Variants in PTDSS1 observed in about 807,000 individuals in gnomAD.
PTDSS1 encodes PSS-1.
Under a neutral mutation model 70.5 loss-of-function variants are expected in PTDSS1, and 45 were observed. That is an observed-to-expected ratio of 0.64 (90% CI 0.50 to 0.82). PTDSS1 has a LOEUF of 0.82. Ranked by LOEUF, PTDSS1 falls within the 40% of genes least tolerant of loss-of-function variation. The pLI is 0.00. For missense variants in PTDSS1, 417 were observed against 586.1 expected, an observed-to-expected ratio of 0.71 and a Z score of 2.98; for synonymous variants, 188 against 203.8, an observed-to-expected ratio of 0.92 and a Z score of 0.66.
chr8:96,330,938 C>A, intron 11 of PTDSS1, 88 bp from the exon 12 acceptor site: 1 of 1,097,770 alleles, frequency 9.1e-7, no homozygotes, highest in Non-Finnish European at 1.4e-6. Context: ...CTGGGAGAGG[C>A]AGGGATGCAG....
chr8:96,281,677 C>T (rs9969631), intron 2 of PTDSS1, among the ~76,000 whole-genome samples: 13,480 of 152,136 alleles, frequency 0.089, 1,918 homozygotes, highest in African/African-American at 0.3. Context: ...GAAACCAGTC[C>T]GCGCTCAACC....
At chr8:96,303,452 A>G (rs1811077969) in intron 6 of PTDSS1, among the ~76,000 whole-genome samples, 1 of 151,500 alleles carries the variant, frequency 6.6e-6, no homozygotes, top group South Asian at 2.1e-4. Context: ...GGAATTAAAG[A>G]CTCTTTACCA....
rs1490076894 is a variant in PTDSS1 at position 96,274,596 on chromosome 8, G to A, written c.271+1206G>A. Among the ~76,000 whole-genome samples the A allele has an allele frequency of 2.6e-5, 4 of 152,132 alleles. No homozygotes were observed. The East Asian group carries it at 5.8e-4, about 22-fold the overall frequency. Reference sequence around the variant, plus strand: ...CAAAATTAGCCAGGCGTGGTGGTGCGTGCCTGTAATCCCAGCTACTCGCGA... The same window carrying A: ...CAAAATTAGCCAGGCGTGGTGGTGCATGCCTGTAATCCCAGCTACTCGCGA... On this transcript the variant is annotated intron_variant, in intron 2 of 12. Coordinates refer to ENST00000517309, the MANE Select transcript of PTDSS1 (RefSeq NM_014754.3).
rs1455019490 is a variant in PTDSS1, at chr8:96,320,293, A to G, written c.1121A>G (p.Asp374Gly). ...EAIVCIKFGQDLFSKTQILYV... is the reference protein window; with the variant it reads ...EAIVCIKFGQGLFSKTQILYV... ...ATTGTTTGCATAAAATTTGGACAAG[A>G]TCTCTTCTCTAAGACCCAAATACTC... Residue 374 changes from aspartate to glycine, a missense_variant, in exon 10 of 13, where the codon GAT becomes GGT. Asp to Gly is a moderately conservative substitution (Grantham distance 94). Coordinates refer to ENST00000517309, the MANE Select transcript of PTDSS1 (RefSeq NM_014754.3). 6.2e-7 allele frequency: 1 copy of G among 1,613,542 alleles called. No homozygotes were observed. Among genetic ancestry groups the G allele is most frequent in the South Asian group, 1.1e-5 (1 of 91,068 alleles).
intron 6 of PTDSS1, among the ~76,000 whole-genome samples, chr8:96,301,710 T>C (rs1417330304): frequency 6.6e-6 from 1 of 151,640 alleles, no homozygotes; most frequent in Non-Finnish European, 1.5e-5. Flanking sequence ...GAAACGGGGT[T>C]TCTCTGTGTT....
chr8:96,319,727 G>A (rs1483826264), intron 9 of PTDSS1, among the ~76,000 whole-genome samples: 1 of 152,160 alleles, frequency 6.6e-6, no homozygotes, highest in Non-Finnish European at 1.5e-5. Context: ...CAGAACTACA[G>A]TGAAAAAGCC....
intron 6 of PTDSS1, among the ~76,000 whole-genome samples, chr8:96,302,883 C>G (rs1426405429): frequency 6.6e-6 from 1 of 152,150 alleles, no homozygotes; most frequent in Non-Finnish European, 1.5e-5. Flanking sequence ...TGCCTGGCCT[C>G]AGGATGTCTG....
At chr8:96,279,446 C>A (rs1294514380) in intron 2 of PTDSS1, among the ~76,000 whole-genome samples, 1 of 150,370 alleles carries the variant, frequency 6.7e-6, no homozygotes, top group Non-Finnish European at 1.5e-5. Flanking sequence ...AGGTCACCAT[C>A]TTCTAAATTT....
chr8:96,269,975 A>C (rs1810542247), intron 1 of PTDSS1, among the ~76,000 whole-genome samples: 1 of 152,150 alleles, frequency 6.6e-6, no homozygotes, highest in Non-Finnish European at 1.5e-5. Context: ...TACATGTTTT[A>C]AGTTATTTAA....
rs1165723304 is a variant in PTDSS1 at position 96,325,272 on chromosome 8, C to T, written c.1173+4927C>T. 2.6e-5 allele frequency among the ~76,000 whole-genome samples: 4 copies of T among 152,214 alleles called. No homozygotes were observed. The East Asian group carries it at 5.8e-4, about 22-fold the overall frequency. ...CAGACATTCTCTCTAGGGAACTGCT[C>T]TTCATCACTGCCCTCCAAGGATCTC... On this transcript the variant is annotated intron_variant, in intron 10 of 12. Transcript: ENST00000517309.
At chr8:96,297,374 C>T (rs571577043) in intron 5 of PTDSS1, among the ~76,000 whole-genome samples, 20 of 152,102 alleles carry the variant, frequency 1.3e-4, no homozygotes, top group Non-Finnish European at 2.5e-4. Flanking sequence ...GATGGGGTTT[C>T]GCCATGTTGG....
intron 1 of PTDSS1, among the ~76,000 whole-genome samples, chr8:96,269,663 G>A (rs1170882942): frequency 6.6e-6 from 1 of 152,052 alleles, no homozygotes; most frequent in African/African-American, 2.4e-5. Flanking sequence ...TCCCACCAAG[G>A]GGCCAATCAC....
intron 9 of PTDSS1, among the ~76,000 whole-genome samples, chr8:96,312,463 T>TC (rs1491515988): frequency 7.6e-4 from 79 of 104,132 alleles, no homozygotes; most frequent in African/African-American, 3.9e-3. Flanking sequence ...TGTCTCTCTC[T>TC]TTTTTTTTTT....
chr8:96,269,391 C>G (rs954691990), intron 1 of PTDSS1, among the ~76,000 whole-genome samples: 11 of 152,212 alleles, frequency 7.2e-5, no homozygotes, highest in African/African-American at 2.7e-4. Flanking sequence ...GTTCAGGGCA[C>G]TGCAGACTGG....
intron 2 of PTDSS1, among the ~76,000 whole-genome samples, chr8:96,275,827 G>C (rs1054914425): frequency 6.6e-6 from 1 of 152,154 alleles, no homozygotes; most frequent in African/African-American, 2.4e-5. Context: ...TCTGTATCCC[G>C]TGATCTGCTG....
At chr8:96,331,257 G>C (rs376668323) in intron 12 of PTDSS1, among the ~76,000 whole-genome samples, 162 bp downstream of exon 12, 2 of 152,212 alleles carry the variant, frequency 1.3e-5, no homozygotes, top group African/African-American at 4.8e-5. Context: ...GCTGGGCACG[G>C]TGGCTCACGC....
chr8:96,319,665 C>G (rs1299000227), intron 9 of PTDSS1, among the ~76,000 whole-genome samples: 2 of 152,134 alleles, frequency 1.3e-5, no homozygotes, highest in Non-Finnish European at 2.9e-5. Flanking sequence ...TTGGAAGGGT[C>G]AAACTCACCC....
chr8:96,315,445 T>A (rs1811274554), intron 9 of PTDSS1, among the ~76,000 whole-genome samples: 1 of 152,118 alleles, frequency 6.6e-6, no homozygotes. Flanking sequence ...CTTCTTCTGC[T>A]TCTCAAGTTT....
chr8:96,275,185 C>T (rs1333276414), intron 2 of PTDSS1, among the ~76,000 whole-genome samples: 1 of 152,096 alleles, frequency 6.6e-6, no homozygotes, highest in Non-Finnish European at 1.5e-5. Flanking sequence ...TGCTGTGTTA[C>T]CCAGGCTGGA....
Sources: gnomAD v4.1 joint callset for allele counts (sites outside exome capture counted in the v4.1 genomes callset) on GRCh38, gnomAD v4.1.1 for gene constraint, MANE v1.5 for transcripts, NCBI Gene and HGNC (gene_info 2026-07-23, HGNC 2026-07-21) for gene names.